INTS8: variants seen among roughly 807,000 people sequenced by gnomAD.
The protein encoded by INTS8 is protein kaonashi-1.
A neutral mutation model predicts 138.9 loss-of-function variants in INTS8; 47 were observed. The observed-to-expected ratio is 0.34, with a 90% CI of 0.27 to 0.43. INTS8 has a LOEUF of 0.43. INTS8 is among the 20% of genes least tolerant of loss of function. The pLI, the probability that INTS8 is intolerant of heterozygous loss-of-function variation, is 1.00. For synonymous variants in INTS8, 392 were observed against 400.9 expected (o/e 0.98, Z 0.27); for missense variants, 996 against 1,173.0 (o/e 0.85, Z 2.20).
At chr8:94,836,685 AT>A (rs1484569328) in intron 7 of INTS8, 54 bp downstream of exon 7, 21 of 1,111,872 alleles carry the variant, frequency 1.9e-5, no homozygotes, top group South Asian at 4.1e-5. Flanking sequence ...ACATCTATAC[AT>A]TTTTTTGGCT....
chr8:94,836,794 C>T lies in INTS8; in HGVS notation c.861+163C>T, dbSNP rs115309393. Among the ~76,000 whole-genome samples the T allele has an allele frequency of 4.8e-3, 731 of 152,194 alleles. 7 individuals are homozygous for T. Among genetic ancestry groups the T allele is most frequent in the African/African-American group, 0.016 (648 of 41,512 alleles). The stretch of plus-strand genomic sequence containing the variant: ...TTTTAAAAATCTGTAGTAATATAAC[C>T]TGGAAATATAGCCCCTTTTATAAAT... On this transcript the variant is annotated intron_variant, in intron 7 of 26. Transcript: ENST00000523731.
chr8:94,851,743 A>C, intron 13 of INTS8, 57 bp downstream of exon 13: 1 of 1,449,678 alleles, frequency 6.9e-7, no homozygotes, highest in Non-Finnish European at 9.3e-7. Context: ...GAGGTAATTT[A>C]ATAGAAAAGC....
At chr8:94,854,629 A>C (rs1200362452) in intron 14 of INTS8, among the ~76,000 whole-genome samples, 1 of 152,250 alleles carries the variant, frequency 6.6e-6, no homozygotes, top group Non-Finnish European at 1.5e-5. Flanking sequence ...TCATACACTG[A>C]GTTCTTTAGG....
intron 20 of INTS8, among the ~76,000 whole-genome samples, chr8:94,871,056 C>A (rs1017535829): frequency 6.6e-6 from 1 of 152,188 alleles, no homozygotes; most frequent in African/African-American, 2.4e-5. Flanking sequence ...TGAAGCATCT[C>A]GAGGGGAGTC....
chr8:94,852,205 A>G (rs1206716215), intron 13 of INTS8, among the ~76,000 whole-genome samples: 1 of 152,124 alleles, frequency 6.6e-6, no homozygotes, highest in Non-Finnish European at 1.5e-5. Flanking sequence ...TGCCTCCCCA[A>G]GTGTTGGGAT....
Position 94,856,957 on chromosome 8 carries a change from T to C in INTS8, c.1933T>C (p.Tyr645His). 6.2e-7 allele frequency: 1 copy of C among 1,613,770 alleles called. No homozygotes were observed. The highest frequency in any genetic ancestry group is 2.2e-5 in the East Asian group (1 of 44,872). Residue 645 changes from tyrosine to histidine, a missense_variant, in exon 15 of 27, where the codon TAT becomes CAT. Tyr to His is a moderately conservative substitution (Grantham distance 83). Transcript: ENST00000523731. Reference protein sequence around the residue: ...PSDLISRVRGYLEMRLPDIPL... With the variant: ...PSDLISRVRGHLEMRLPDIPL... ...CGACCTTATAAGTAGAGTACGAGGC[T>C]ATCTGGAAATGAGGCTTCCTGGTAA...
At chr8:94,841,720 A>G (rs13271644) in intron 9 of INTS8, 129 bp downstream of exon 9, 304,583 of 569,070 alleles carry the variant, frequency 0.54, 82,690 homozygotes, top group East Asian at 0.65. Flanking sequence ...ATATAAGGGA[A>G]ATTAACATAG....
chr8:94,835,448 GAA>G (rs760975801), intron 6 of INTS8, among the ~76,000 whole-genome samples: 22 of 152,114 alleles, frequency 1.4e-4, no homozygotes, highest in Non-Finnish European at 2.8e-4. Context: ...CATACGACTG[GAA>G]AAGTTTTATG....
In INTS8 at chr8:94,865,502, A is replaced by G. The variant is rs1273343229; in HGVS notation, c.2077-4A>G. The G allele has an allele frequency of 1.9e-6, 3 of 1,609,240 alleles. No homozygotes were observed. The highest frequency in any genetic ancestry group is 2.7e-5 in the African/African-American group (2 of 74,710). ...TTTTGTGTATTTTGTTTTTCATGTT[A>G]TAGCTTGGACAGCTTTTAGCAGCTA... On this transcript the variant is annotated splice_region_variant and splice_polypyrimidine_tract_variant and intron_variant, in intron 16 of 26. Coordinates refer to ENST00000523731, the MANE Select transcript of INTS8 (RefSeq NM_017864.4).
intron 6 of INTS8, among the ~76,000 whole-genome samples, chr8:94,834,159 A>G (rs1814834172): frequency 6.6e-6 from 1 of 152,162 alleles, no homozygotes. Context: ...CCAGGCCTTA[A>G]TGCCCTTCAG....
chr8:94,848,779 TTGTG>T (rs1815424484), intron 10 of INTS8, among the ~76,000 whole-genome samples: 1 of 152,168 alleles, frequency 6.6e-6, no homozygotes, highest in South Asian at 2.1e-4. Flanking sequence ...ACATTCTATT[TTGTG>T]TGTGTGTCAA....
intron 17 of INTS8, 147 bp from the exon 18 acceptor site, chr8:94,866,011 A>T (rs909093508): frequency 3.7e-6 from 2 of 544,350 alleles, no homozygotes; most frequent in Non-Finnish European, 6.7e-6. Context: ...AAATGTTATT[A>T]GGTTAGTATA....
intron 16 of INTS8, among the ~76,000 whole-genome samples, chr8:94,860,579 CAAAAAAAAAAAAA>C (rs58945163): frequency 2.5e-5 from 1 of 39,466 alleles, no homozygotes; most frequent in Non-Finnish European, 4.7e-5. Flanking sequence ...AACTCTACCT[CAAAAAAAAAAAAA>C]AAAAAAAAAA....
intron 6 of INTS8, among the ~76,000 whole-genome samples, chr8:94,836,278 T>C (rs1814924053): frequency 6.6e-6 from 1 of 152,192 alleles, no homozygotes. Flanking sequence ...TCAGATTCTT[T>C]AGCCTTTTTA....
chr8:94,874,970 G>A (rs1197747189), intron 23 of INTS8, among the ~76,000 whole-genome samples: 2 of 152,160 alleles, frequency 1.3e-5, no homozygotes, highest in African/African-American at 4.8e-5. Context: ...TGTTGGTGAG[G>A]ATGTGGGGAA....
chr8:94,838,710 T>A, intron 8 of INTS8, 92 bp downstream of exon 8: 9 of 968,528 alleles, frequency 9.3e-6, no homozygotes, highest in Non-Finnish European at 1.4e-5. Context: ...GTTACGCGTT[T>A]TGGGGCAAGT....
chr8:94,867,117 AT>A, intron 18 of INTS8, 22 bp from the exon 19 acceptor site: 1 of 1,561,628 alleles, frequency 6.4e-7, no homozygotes. Context: ...CTGTTTAAGG[AT>A]TCTGTGTTTT....
intron 11 of INTS8, 32 bp from the exon 12 acceptor site, chr8:94,849,884 T>G: frequency 6.6e-7 from 1 of 1,516,048 alleles, no homozygotes. Flanking sequence ...ATTATACACT[T>G]TTTTGTTTTA....
In INTS8 at chr8:94,833,351, T is replaced by C. The variant is rs1005919428; in HGVS notation, c.753+1177T>C. On this transcript the variant is annotated intron_variant, in intron 6 of 26. Transcript: ENST00000523731. Reference sequence around the variant, plus strand: ...GGAGTAGGAGTTAATGAAGTATTGATACTTGGTAACCCTTTTTGTAAAAAA... The same window carrying C: ...GGAGTAGGAGTTAATGAAGTATTGACACTTGGTAACCCTTTTTGTAAAAAA... Among the ~76,000 whole-genome samples the C allele has an allele frequency of 2.0e-5, 3 of 152,060 alleles. No homozygotes were observed. In the South Asian group the frequency reaches 6.2e-4, roughly 31 times the overall value.
Sources: allele counts gnomAD v4.1 joint callset (sites outside exome capture counted in the v4.1 genomes callset), GRCh38; gene constraint gnomAD v4.1.1; transcripts MANE v1.5; gene names NCBI Gene and HGNC (gene_info 2026-07-23, HGNC 2026-07-21).